SORCS3: variants seen among roughly 807,000 people sequenced by gnomAD.
SORCS3 encodes sortilin related VPS10 domain containing receptor 3.
In SORCS3, 57 loss-of-function variants were observed where a neutral mutation model predicts 146.3. The ratio of observed to expected loss-of-function variants is 0.39; its 90% CI spans 0.31 to 0.49. The LOEUF is 0.49. SORCS3 is among the 20% of genes least tolerant of loss of function. SORCS3 has a pLI of 0.92. For synonymous variants in SORCS3, 653 were observed against 618.5 expected (o/e 1.06, Z -0.83); for missense variants, 1,341 against 1,575.5 (o/e 0.85, Z 2.52).
intron 14 of SORCS3, among the ~76,000 whole-genome samples, chr10:105,189,084 A>C (rs1028676227): frequency 6.6e-6 from 1 of 152,230 alleles, no homozygotes; most frequent in Non-Finnish European, 1.5e-5. Context: ...CTACATATGA[A>C]TGTAGGGTAA....
intron 4 of SORCS3, among the ~76,000 whole-genome samples, chr10:104,993,132 G>A (rs969120259): frequency 2.6e-5 from 4 of 152,202 alleles, no homozygotes; most frequent in African/African-American, 4.8e-5. Context: ...CTGATGGTCT[G>A]ATTGCCTACA....
At chr10:105,089,938 T>C (rs565121869) in intron 6 of SORCS3, 99 bp downstream of exon 6, 32 of 925,202 alleles carry the variant, frequency 3.5e-5, no homozygotes, top group East Asian at 1.6e-4. Flanking sequence ...GATGAAAAGC[T>C]CTGAGCTCCA....
intron 3 of SORCS3, among the ~76,000 whole-genome samples, chr10:104,925,471 G>A (rs1422941771): frequency 6.6e-6 from 1 of 152,164 alleles, no homozygotes; most frequent in African/African-American, 2.4e-5. Flanking sequence ...CATCTGAGGC[G>A]CTGACTGCTT....
At chr10:104,739,384 A>G (rs1348451965) in intron 1 of SORCS3, among the ~76,000 whole-genome samples, 1 of 152,198 alleles carries the variant, frequency 6.6e-6, no homozygotes. Flanking sequence ...TCACCACCTC[A>G]GGGCAAATTC....
At chr10:104,730,728 T>A (rs1264945020) in intron 1 of SORCS3, among the ~76,000 whole-genome samples, 7 of 152,192 alleles carry the variant, frequency 4.6e-5, no homozygotes, top group Admixed American at 4.6e-4. Flanking sequence ...ATAATCATGT[T>A]AGAAGGCACC....
At chr10:105,033,915 T>C (rs146954281) in intron 4 of SORCS3, among the ~76,000 whole-genome samples, 44 of 152,260 alleles carry the variant, frequency 2.9e-4, no homozygotes, top group African/African-American at 1.0e-3. Flanking sequence ...GAGGATTTTT[T>C]TCAGGTAGAA....
At chr10:105,100,075 T>C (rs2055772924) in intron 6 of SORCS3, among the ~76,000 whole-genome samples, 1 of 152,156 alleles carries the variant, frequency 6.6e-6, no homozygotes, top group South Asian at 2.1e-4. Flanking sequence ...GGATGCTGGC[T>C]CCATTTAAAT....
chr10:104,654,300 T>G (rs544816468), intron 1 of SORCS3, among the ~76,000 whole-genome samples: 1 of 152,366 alleles, frequency 6.6e-6, no homozygotes, highest in South Asian at 2.1e-4. Flanking sequence ...ATTGATTTCC[T>G]TTCTTTTGAG....
intron 2 of SORCS3, among the ~76,000 whole-genome samples, chr10:104,859,568 G>C (rs992710226): frequency 6.6e-6 from 1 of 152,164 alleles, no homozygotes; most frequent in African/African-American, 2.4e-5. Flanking sequence ...ATTGACAAAT[G>C]GGATCTAATT....
chr10:105,126,105 G>A (rs2055971869), intron 7 of SORCS3, among the ~76,000 whole-genome samples: 1 of 152,100 alleles, frequency 6.6e-6, no homozygotes, highest in Non-Finnish European at 1.5e-5. Context: ...GCTATGAACT[G>A]CCTCTGCAAA....
chr10:105,093,299 A>T (rs976251975), intron 6 of SORCS3, among the ~76,000 whole-genome samples: 3 of 152,206 alleles, frequency 2.0e-5, no homozygotes, highest in Admixed American at 6.5e-5. Context: ...TAAATATAAA[A>T]CATAGATTTA....
At chr10:104,656,637 C>A (rs1173340652) in intron 1 of SORCS3, among the ~76,000 whole-genome samples, 1 of 151,172 alleles carries the variant, frequency 6.6e-6, no homozygotes, top group Non-Finnish European at 1.5e-5. Flanking sequence ...GCACTCTAAC[C>A]TGGATGACAG....
chr10:104,956,954 G>C (rs985500604), intron 3 of SORCS3, among the ~76,000 whole-genome samples: 7 of 152,164 alleles, frequency 4.6e-5, no homozygotes, highest in Non-Finnish European at 1.0e-4. Context: ...TCTGGTTGAA[G>C]AGTGTAGGGT....
chr10:105,003,677 C>A (rs1431686038), intron 4 of SORCS3, among the ~76,000 whole-genome samples: 3 of 152,164 alleles, frequency 2.0e-5, no homozygotes, highest in Non-Finnish European at 2.9e-5. Context: ...AGCGTCCTAG[C>A]AGGAGCGTGT....
At chr10:105,219,179 C>T (rs1352378476) in intron 19 of SORCS3, among the ~76,000 whole-genome samples, 1 of 152,158 alleles carries the variant, frequency 6.6e-6, no homozygotes, top group Non-Finnish European at 1.5e-5. Context: ...TCACTCATGA[C>T]TATGATTCAT....
rs767055535 is a variant in SORCS3 at position 104,641,901 on chromosome 10, G to C, written c.574G>C (p.Gly192Arg). Reference sequence around the variant, plus strand: ...GCCCAGCACCTCCTTCGCGCTGACCGGGGACTCGGCCCACAACCAAGCCAT... The same window carrying C: ...GCCCAGCACCTCCTTCGCGCTGACCCGGGACTCGGCCCACAACCAAGCCAT... ...RLPSTSFALTGDSAHNQAMVH... is the reference protein window; with the variant it reads ...RLPSTSFALTRDSAHNQAMVH... Residue 192 changes from glycine to arginine, a missense_variant, in exon 1 of 27, where the codon GGG becomes CGG. Physicochemically the swap from Gly to Arg is moderately radical, Grantham distance 125. Transcript: ENST00000369701. This position sits in a 1 kb window ranked among gnomAD's most constrained non-coding sequence, Gnocchi z 6.4. The C allele has an allele frequency of 1.3e-6, 2 of 1,597,248 alleles. No homozygotes were observed.
chr10:105,168,737 G>A (rs781068011), intron 13 of SORCS3, among the ~76,000 whole-genome samples: 8 of 152,098 alleles, frequency 5.3e-5, no homozygotes, highest in Non-Finnish European at 1.0e-4. Flanking sequence ...AAGTGAAACC[G>A]TATGAAATCG....
At chr10:104,949,896 T>C (rs2019410772) in intron 3 of SORCS3, among the ~76,000 whole-genome samples, 1 of 152,250 alleles carries the variant, frequency 6.6e-6, no homozygotes, top group Admixed American at 6.5e-5. Context: ...AGATTGCACA[T>C]TGAATATCAA....
intron 3 of SORCS3, among the ~76,000 whole-genome samples, chr10:104,922,225 G>T (rs190472069): frequency 6.6e-6 from 1 of 152,180 alleles, no homozygotes; most frequent in Non-Finnish European, 1.5e-5. Context: ...AAAGTAAGTG[G>T]CAGGGTAACA....
Sources: gnomAD v4.1 joint callset for allele counts (sites outside exome capture counted in the v4.1 genomes callset) on GRCh38, gnomAD v4.1.1 for gene constraint, Gnocchi (gnomAD v3.1) non-coding constraint, MANE v1.5 for transcripts, NCBI Gene and HGNC (gene_info 2026-07-23, HGNC 2026-07-21) for gene names.